The following CCND3 variants were observed in gnomAD, a reference collection of about 807,000 sequenced individuals.
The protein encoded by CCND3 is G1/S-specific cyclin-D3.
CCND3 carries 9 observed loss-of-function variants against 28.7 expected under a neutral mutation model. The observed-to-expected ratio is 0.31, with a 90% CI of 0.19 to 0.55. The LOEUF (loss-of-function observed/expected upper bound fraction) is 0.55. Among genes scored for constraint, CCND3 ranks in the 20% least tolerant of loss-of-function variants. CCND3 has a pLI of 0.93. For missense variants in CCND3, 315 were observed against 385.8 expected (o/e 0.82, Z 1.54); for synonymous variants, 164 against 163.9 (o/e 1.00, Z 0.00).
intron 2 of CCND3, chr6:41,937,789 G>A (rs1775857920): frequency 4.8e-6 from 1 of 210,416 alleles, no homozygotes. Flanking sequence ...TCTCTTCTGG[G>A]ATGAAGCAGA....
At chr6:41,964,611 T>C (rs1486735450) in intron 1 of CCND3, among the ~76,000 whole-genome samples, 1 of 152,112 alleles carries the variant, frequency 6.6e-6, no homozygotes, top group Non-Finnish European at 1.5e-5. Context: ...GAGTGGGAAC[T>C]AACTAGGTGA....
At chr6:41,956,960 G>A (rs1776453769) in intron 1 of CCND3, among the ~76,000 whole-genome samples, 2 of 152,318 alleles carry the variant, frequency 1.3e-5, no homozygotes, top group Admixed American at 1.3e-4. Flanking sequence ...GAACCCGGGA[G>A]GCGGAACTTG....
rs565492554 is a variant in CCND3 at position 42,027,894 on chromosome 6, C to T, written c.-46+20607G>A. Among the ~76,000 whole-genome samples the T allele has an allele frequency of 2.1e-3, 318 of 152,194 alleles. 9 individuals carry two copies. In the East Asian group the frequency reaches 0.054, roughly 26 times the overall value. On this transcript the variant is annotated intron_variant, in intron 1 of 4. Transcript: ENST00000372988. ...TCCCAAGTAGCTGGGATTACAGGCT[C>T]CTGCCACCACACCCGGCTAATTTTG...
intron 1 of CCND3, among the ~76,000 whole-genome samples, chr6:41,948,178 T>G (rs573566035): frequency 6.6e-6 from 1 of 152,168 alleles, no homozygotes; most frequent in African/African-American, 2.4e-5. Flanking sequence ...TGACACTTCT[T>G]ATGCTCTTTC....
intron 1 of CCND3, among the ~76,000 whole-genome samples, chr6:41,974,454 T>G (rs1762117158): frequency 6.6e-6 from 1 of 152,050 alleles, no homozygotes; most frequent in African/African-American, 2.4e-5. Context: ...CCCCCTCCCC[T>G]CTAATAGAAG....
At chr6:41,966,170 T>C (rs1393109394) in intron 1 of CCND3, among the ~76,000 whole-genome samples, 3 of 152,212 alleles carry the variant, frequency 2.0e-5, no homozygotes, top group African/African-American at 7.2e-5. Context: ...CTGTTATTAT[T>C]ATGTTTAGTG....
At position 41,977,470 on chromosome 6, in the gene CCND3, G is replaced by A. The variant is rs1245014933; in HGVS notation, c.-45-36885C>T. 2.6e-5 allele frequency among the ~76,000 whole-genome samples: 4 copies of A among 152,054 alleles called. No individual in the cohort carries two copies. In the South Asian group the frequency reaches 6.2e-4, roughly 24 times the overall value. ...CAACCTCCACCTCCCAGGTTCAGGCGATTCTCCTGCCTCAGCCTCCAAAGT... is the reference window on the plus strand; with the variant it reads ...CAACCTCCACCTCCCAGGTTCAGGCAATTCTCCTGCCTCAGCCTCCAAAGT... On this transcript the variant is annotated intron_variant, in intron 1 of 4. Coordinates refer to the CCND3 transcript ENST00000372988.
chr6:42,043,405 C>A (rs1021207865), intron 1 of CCND3, among the ~76,000 whole-genome samples: 1 of 152,188 alleles, frequency 6.6e-6, no homozygotes, highest in Non-Finnish European at 1.5e-5. Context: ...GTGGCGGGTG[C>A]CTGTAATCCT....
intron 1 of CCND3, among the ~76,000 whole-genome samples, chr6:41,992,131 T>C (rs979908768): frequency 1.3e-5 from 2 of 152,142 alleles, no homozygotes; most frequent in African/African-American, 4.8e-5. Context: ...TGCTGGATCA[T>C]ATGGTAGTTT....
At chr6:42,020,197 C>T (rs1348737439) in intron 1 of CCND3, among the ~76,000 whole-genome samples, 1 of 151,868 alleles carries the variant, frequency 6.6e-6, no homozygotes, top group Non-Finnish European at 1.5e-5. Context: ...GAGAATGGCA[C>T]GAACCCAGGA....
chr6:41,949,522 C>T lies in CCND3; in HGVS notation c.-45-8937G>A, dbSNP rs141775582. Among the ~76,000 whole-genome samples the T allele has an allele frequency of 3.8e-3, 584 of 151,754 alleles. 5 individuals carry two copies. The highest frequency in any genetic ancestry group is 0.014 in the African/African-American group (564 of 41,336). ...TGTGTCTCAAAAGAAAAGAAATTTC[C>T]GCCAGGCGCAGTGGCTCACACCTGT... On this transcript the variant is annotated intron_variant, in intron 1 of 4. Coordinates refer to the CCND3 transcript ENST00000372988.
chr6:41,972,733 A>C (rs1220887865), intron 1 of CCND3, among the ~76,000 whole-genome samples: 3 of 151,894 alleles, frequency 2.0e-5, no homozygotes, highest in Non-Finnish European at 4.4e-5. Flanking sequence ...CATCAAAGGG[A>C]GACTGAGGTG....
intron 1 of CCND3, among the ~76,000 whole-genome samples, chr6:42,011,221 A>C (rs1403547039): frequency 6.6e-6 from 1 of 152,126 alleles, no homozygotes; most frequent in Non-Finnish European, 1.5e-5. Flanking sequence ...GGGCTCAAGC[A>C]ATTCTCCTGC....
chr6:41,962,228 G>A (rs564127346), intron 1 of CCND3, among the ~76,000 whole-genome samples: 26 of 152,242 alleles, frequency 1.7e-4, no homozygotes, highest in African/African-American at 6.0e-4. Context: ...AGCCTCCCCA[G>A]TAGCTGGGAT....
chr6:42,011,643 A>C (rs1269317649), intron 1 of CCND3, among the ~76,000 whole-genome samples: 5 of 152,200 alleles, frequency 3.3e-5, no homozygotes, highest in Non-Finnish European at 7.3e-5. Flanking sequence ...GTGAACATTA[A>C]GGACCAAAAT....
intron 1 of CCND3, among the ~76,000 whole-genome samples, chr6:41,958,511 C>T (rs1437943453): frequency 6.6e-6 from 1 of 152,160 alleles, no homozygotes; most frequent in African/African-American, 2.4e-5. Context: ...CCTGGGGCCA[C>T]AAACAATACA....
intron 1 of CCND3, among the ~76,000 whole-genome samples, chr6:41,964,066 A>T (rs779248251): frequency 6.6e-6 from 1 of 152,204 alleles, no homozygotes; most frequent in Non-Finnish European, 1.5e-5. Flanking sequence ...AATAAAGTAT[A>T]CCCACCCCAC....
intron 1 of CCND3, among the ~76,000 whole-genome samples, chr6:41,993,735 C>T (rs1418398256): frequency 6.6e-6 from 1 of 151,516 alleles, no homozygotes; most frequent in Admixed American, 6.6e-5. Flanking sequence ...CCAGCCTGGC[C>T]AACATACTGA....
chr6:41,942,043 G>C (rs973147562), upstream of CCND3, among the ~76,000 whole-genome samples: 18 of 151,856 alleles, frequency 1.2e-4, no homozygotes, highest in Non-Finnish European at 2.4e-4. Context: ...ACCCACCCAC[G>C]GGCCCTCCCA....
Sources: allele counts gnomAD v4.1 joint callset (sites outside exome capture counted in the v4.1 genomes callset), GRCh38; gene constraint gnomAD v4.1.1; transcripts MANE v1.5; gene names NCBI Gene and HGNC (gene_info 2026-07-23, HGNC 2026-07-21).